The following GPHN variants were observed in gnomAD, a reference collection of about 807,000 sequenced individuals.
GPHN encodes the protein gephyrin.
A neutral mutation model predicts 95.5 loss-of-function variants in GPHN; 17 were observed. The ratio of observed to expected loss-of-function variants is 0.18; its 90% CI spans 0.12 to 0.27. The LOEUF is 0.27. GPHN is among the 10% of genes least tolerant of loss of function. The pLI, the probability that GPHN is intolerant of heterozygous loss-of-function variation, is 1.00. For synonymous variants in GPHN, 320 were observed against 322.5 expected, an observed-to-expected ratio of 0.99 and a Z score of 0.08; for missense variants, 660 against 978.1, an observed-to-expected ratio of 0.67 and a Z score of 4.34.
the GPHN span, among the ~76,000 whole-genome samples, chr14:67,627,242 G>T: frequency 8.1e-6 from 1 of 123,832 alleles, no homozygotes; most frequent in African/African-American, 3.2e-5. Context: ...CTAGGCAATT[G>T]TGATCAGTAA....
chr14:66,824,673 A>G lies in GPHN; in HGVS notation c.294+107A>G, dbSNP rs1022534110. ...TTTTATAACTTTGCTAGGCATAACA[A>G]ATGACTTGTAGTTCTAATAATGTGA... On this transcript the variant is annotated intron_variant, in intron 4 of 22. Transcript: ENST00000478722. 10 of 633,692 alleles carry G rather than the reference A, an allele frequency of 1.6e-5. 1 individual carries two copies. The South Asian group carries it at 1.7e-4, about 11-fold the overall frequency. 39.3% of individuals were successfully genotyped at this position (633,692 alleles called of 1,614,324 possible). A position where few individuals can be genotyped will look rare whatever the true frequency, so the allele number is the denominator to read the frequency against.
chr14:67,480,364 C>A, the GPHN span, among the ~76,000 whole-genome samples: 1 of 152,104 alleles, frequency 6.6e-6, no homozygotes, highest in South Asian at 2.1e-4. Context: ...AACAAAACTC[C>A]CACAGACATC....
chr14:66,644,851 A>G (rs1342049023), intron 1 of GPHN, among the ~76,000 whole-genome samples: 1 of 152,148 alleles, frequency 6.6e-6, no homozygotes, highest in Non-Finnish European at 1.5e-5. Context: ...GTTTTGAATA[A>G]GCTAATGATT....
At chr14:67,086,864 C>T (rs950507459) in intron 11 of GPHN, among the ~76,000 whole-genome samples, 1 of 150,712 alleles carries the variant, frequency 6.6e-6, no homozygotes, top group African/African-American at 2.4e-5. Flanking sequence ...CGGTGAAACC[C>T]CATCTCTACT....
chr14:67,623,907 C>T, the GPHN span, among the ~76,000 whole-genome samples: 1 of 152,086 alleles, frequency 6.6e-6, no homozygotes, highest in Admixed American at 6.6e-5. Flanking sequence ...GTGGCATAGT[C>T]ACAGCCTACT....
intron 2 of GPHN, among the ~76,000 whole-genome samples, chr14:66,701,314 A>G (rs2068532977): frequency 6.6e-6 from 1 of 152,220 alleles, no homozygotes; most frequent in African/African-American, 2.4e-5. Context: ...ACTTTTTAAT[A>G]GCTGCATAGC....
At chr14:66,569,990 C>T (rs2060616506) in intron 1 of GPHN, among the ~76,000 whole-genome samples, 1 of 152,092 alleles carries the variant, frequency 6.6e-6, no homozygotes, top group Non-Finnish European at 1.5e-5. Flanking sequence ...CTATTCTCTG[C>T]TTCTCTGAGT....
At chr14:66,830,116 C>T (rs922289250) in intron 4 of GPHN, among the ~76,000 whole-genome samples, 2 of 152,116 alleles carry the variant, frequency 1.3e-5, no homozygotes, top group South Asian at 2.1e-4. Flanking sequence ...TAAAGCCTGA[C>T]GTATTTATCA....
intron 8 of GPHN, among the ~76,000 whole-genome samples, chr14:66,961,921 TA>T (rs2068950802): frequency 7.7e-5 from 5 of 64,624 alleles, no homozygotes; most frequent in African/African-American, 5.8e-4. Flanking sequence ...TATATATATA[TA>T]TATATATATA....
chr14:66,632,064 T>A (rs2063836532), intron 1 of GPHN, among the ~76,000 whole-genome samples: 1 of 152,226 alleles, frequency 6.6e-6, no homozygotes, highest in African/African-American at 2.4e-5. Context: ...TTTGTTGAAA[T>A]TTACATTTTA....
At chr14:66,508,772 C>T (rs190529920) in intron 1 of GPHN, among the ~76,000 whole-genome samples, 181 bp downstream of exon 1, 1 of 152,160 alleles carries the variant, frequency 6.6e-6, no homozygotes, top group East Asian at 1.9e-4. Context: ...CCCGCGGGTC[C>T]CCTCCCCCAG....
At chr14:67,078,134 C>T (rs1281669595) in intron 11 of GPHN, among the ~76,000 whole-genome samples, 1 of 152,184 alleles carries the variant, frequency 6.6e-6, no homozygotes, top group East Asian at 1.9e-4. Flanking sequence ...TCTTGGCACA[C>T]AGCCTAACCT....
the GPHN span, among the ~76,000 whole-genome samples, chr14:67,474,968 T>A: frequency 7.0e-6 from 1 of 142,522 alleles, no homozygotes; most frequent in East Asian, 2.0e-4. Context: ...CAGGCTGGAG[T>A]GCAGTGGCGC....
At chr14:67,238,269 C>CTTTTTTTTTTTTTTT in the GPHN span, among the ~76,000 whole-genome samples, 1 of 125,250 alleles carries the variant, frequency 8.0e-6, no homozygotes, top group African/African-American at 3.2e-5. Flanking sequence ...TTCTTGCTTT[C>CTTTTTTTTTTTTTTT]TTTTTTTTTT....
chr14:67,174,180 G>A (rs991781703), intron 21 of GPHN, among the ~76,000 whole-genome samples: 9 of 152,198 alleles, frequency 5.9e-5, no homozygotes, highest in South Asian at 2.1e-4. Context: ...CCATCAACTC[G>A]TCATTTACAT....
At chr14:67,374,437 G>A in the GPHN span, 4 of 1,458,302 alleles carry the variant, frequency 2.7e-6, no homozygotes, top group Non-Finnish European at 3.8e-6. Flanking sequence ...CATCTGGACA[G>A]AGATGATTTT....
rs115229233 is a variant in GPHN at position 66,852,407 on chromosome 14, G to A, written c.295-27532G>A. Reference sequence around the variant, plus strand: ...TGTGTGTGTGCGTGCGCGTGCGCGTGTTCACCTGTGCACACATTCACGCGC... The same window carrying A: ...TGTGTGTGTGCGTGCGCGTGCGCGTATTCACCTGTGCACACATTCACGCGC... On this transcript the variant is annotated intron_variant, in intron 4 of 22. Transcript: ENST00000478722. Among the ~76,000 whole-genome samples, 454 of 152,334 alleles carry A rather than the reference G, an allele frequency of 3.0e-3. 3 individuals are homozygous for A. Among genetic ancestry groups the A allele is most frequent in the African/African-American group, 0.01 (436 of 41,586 alleles).
At chr14:67,668,555 A>G in the GPHN span, among the ~76,000 whole-genome samples, 1 of 152,244 alleles carries the variant, frequency 6.6e-6, no homozygotes, top group Non-Finnish European at 1.5e-5. Flanking sequence ...TCACAATCAT[A>G]TATCAATATT....
At chr14:67,376,605 T>C in the GPHN span, 2 of 1,610,472 alleles carry the variant, frequency 1.2e-6, no homozygotes. Context: ...GAATACCTTC[T>C]TGACTCTCCT....
Sources: gnomAD v4.1 joint callset for allele counts (sites outside exome capture counted in the v4.1 genomes callset) on GRCh38, gnomAD v4.1.1 for gene constraint, MANE v1.5 for transcripts, NCBI Gene and HGNC (gene_info 2026-07-23, HGNC 2026-07-21) for gene names.